Variants in GRM7 observed in about 807,000 individuals in gnomAD.
The protein encoded by GRM7 is metabotropic glutamate receptor 7.
In GRM7, 35 loss-of-function variants were observed where a neutral mutation model predicts 84.5. The ratio of observed to expected loss-of-function variants is 0.41; its 90% CI spans 0.32 to 0.55. GRM7 has a LOEUF of 0.55. Ranked by LOEUF, GRM7 falls within the 20% of genes least tolerant of loss-of-function variation. GRM7 has a pLI of 0.19. For synonymous variants in GRM7, 487 were observed against 455.1 expected, an observed-to-expected ratio of 1.07 and a Z score of -0.89; for missense variants, 1,003 against 1,194.6, an observed-to-expected ratio of 0.84 and a Z score of 2.36.
intron 9 of GRM7, among the ~76,000 whole-genome samples, chr3:7,732,146 C>T (rs1038119229): frequency 2.6e-5 from 4 of 152,034 alleles, no homozygotes; most frequent in Admixed American, 6.5e-5. Flanking sequence ...CCCAGGTTCA[C>T]GCCATTCTCC....
chr3:7,241,326 T>C (rs2124921483), intron 2 of GRM7, among the ~76,000 whole-genome samples: 1 of 152,286 alleles, frequency 6.6e-6, no homozygotes, highest in African/African-American at 2.4e-5. Flanking sequence ...ACTGTCTGCG[T>C]TGTCATCATC....
At chr3:7,579,736 G>C (rs552837766) in intron 8 of GRM7, among the ~76,000 whole-genome samples, 12 of 152,146 alleles carry the variant, frequency 7.9e-5, no homozygotes, top group Non-Finnish European at 1.5e-4. Flanking sequence ...CCTTCTCCAG[G>C]TGGGAGTGTG....
intron 1 of GRM7, among the ~76,000 whole-genome samples, chr3:7,009,864 G>A (rs1695310159): frequency 6.6e-6 from 1 of 152,148 alleles, no homozygotes; most frequent in African/African-American, 2.4e-5. Context: ...GCAATACATT[G>A]TAGTGGCTGA....
chr3:7,463,272 T>G (rs2124910841), intron 7 of GRM7, among the ~76,000 whole-genome samples: 1 of 152,360 alleles, frequency 6.6e-6, no homozygotes, highest in South Asian at 2.1e-4. Flanking sequence ...TCCGTAAGAG[T>G]TCCCAAGTAG....
At chr3:6,867,075 C>T (rs1356385407) in intron 1 of GRM7, among the ~76,000 whole-genome samples, 1 of 152,170 alleles carries the variant, frequency 6.6e-6, no homozygotes, top group African/African-American at 2.4e-5. Flanking sequence ...TCTGGAACTC[C>T]TACATTCAAC....
At chr3:7,011,086 G>A (rs897660863) in intron 1 of GRM7, among the ~76,000 whole-genome samples, 1 of 152,168 alleles carries the variant, frequency 6.6e-6, no homozygotes, top group Non-Finnish European at 1.5e-5. Flanking sequence ...TACAACATAT[G>A]AAGGTTTTGT....
chr3:6,861,759 A>G lies in GRM7; in HGVS notation c.371A>G (p.Gln124Arg). Residue 124 changes from glutamine to arginine, a missense_variant, in exon 1 of 10, where the codon CAG (glutamine) becomes CGG (arginine). Around this residue, in one of 2 missense-constraint regions of GRM7, gnomAD observed 910 missense variants for 1,126.0 expected, o/e 0.81. Coordinates refer to ENST00000357716, the MANE Select transcript of GRM7 (RefSeq NM_000844.4). This position sits in a 1 kb window ranked among gnomAD's most constrained non-coding sequence, Gnocchi z 6.4. ...YALEQSLTFV[Q>R]ALIQKDTSDV... ...CTCGAACAGTCGCTTACTTTCGTCCAGGCGCTCATCCAGAAGGACACCTCC... is the reference window on the plus strand; with the variant it reads ...CTCGAACAGTCGCTTACTTTCGTCCGGGCGCTCATCCAGAAGGACACCTCC... The G allele has an allele frequency of 6.2e-7, 1 of 1,614,216 alleles. No individual in the cohort carries two copies. The highest frequency in any genetic ancestry group is 8.5e-7 in the Non-Finnish European group (1 of 1,180,052).
chr3:7,183,274 CA>C (rs1375521081), intron 2 of GRM7, among the ~76,000 whole-genome samples: 19 of 152,262 alleles, frequency 1.2e-4, no homozygotes, highest in Admixed American at 3.9e-4. Context: ...TAGCTGTGTA[CA>C]GGGGAGCAAA....
At chr3:7,029,312 AAAC>A (rs1411489264) in intron 1 of GRM7, among the ~76,000 whole-genome samples, 12 of 112,264 alleles carry the variant, frequency 1.1e-4, no homozygotes, top group Admixed American at 6.1e-4. Context: ...AAAAAAAAAA[AAAC>A]AAAAAAAAAA....
At chr3:7,397,636 T>C (rs1695265616) in intron 4 of GRM7, among the ~76,000 whole-genome samples, 1 of 152,134 alleles carries the variant, frequency 6.6e-6, no homozygotes, top group Non-Finnish European at 1.5e-5. Flanking sequence ...TCATTGCACA[T>C]TGCATGCCCA....
At chr3:7,577,619 C>A (rs1575515889) in intron 7 of GRM7, among the ~76,000 whole-genome samples, 1 of 152,244 alleles carries the variant, frequency 6.6e-6, no homozygotes, top group Non-Finnish European at 1.5e-5. Flanking sequence ...GGGTATGTTC[C>A]CCTCCAGAAA....
At chr3:7,569,522 A>G (rs113078063) in intron 7 of GRM7, among the ~76,000 whole-genome samples, 1 of 152,074 alleles carries the variant, frequency 6.6e-6, no homozygotes, top group Non-Finnish European at 1.5e-5. Context: ...GTGGGGCCAG[A>G]TAAGAATAAA....
intron 8 of GRM7, among the ~76,000 whole-genome samples, chr3:7,598,149 G>A (rs192553151): frequency 1.3e-5 from 2 of 152,276 alleles, no homozygotes; most frequent in Non-Finnish European, 2.9e-5. Context: ...CTGACATATT[G>A]CAGATAAGGA....
At chr3:7,461,155 C>T (rs953709596) in intron 6 of GRM7, among the ~76,000 whole-genome samples, 1 of 152,120 alleles carries the variant, frequency 6.6e-6, no homozygotes, top group African/African-American at 2.4e-5. Flanking sequence ...TCTCTTTTAA[C>T]ATTAATTTGT....
rs191627868 is a variant in GRM7 at position 7,178,973 on chromosome 3, G to A, written c.736+32305G>A. ...AAAAAAATACAAGCTGGGTGTGGTGGCATGCACCTGTAATCCTAGTTACTC... is the reference window on the plus strand; with the variant it reads ...AAAAAAATACAAGCTGGGTGTGGTGACATGCACCTGTAATCCTAGTTACTC... On this transcript the variant is annotated intron_variant, in intron 2 of 9. Coordinates refer to ENST00000357716, the MANE Select transcript of GRM7 (RefSeq NM_000844.4). Among the ~76,000 whole-genome samples the A allele has an allele frequency of 5.0e-4, 76 of 152,138 alleles. 1 individual carries two copies. The highest frequency in any genetic ancestry group is 3.4e-3 in the Middle Eastern group (1 of 294).
At chr3:7,231,182 C>G (rs187640098) in intron 2 of GRM7, among the ~76,000 whole-genome samples, 68 of 152,266 alleles carry the variant, frequency 4.5e-4, no homozygotes, top group Admixed American at 2.2e-3. Flanking sequence ...GCTATGGACA[C>G]TGAATTAGGC....
At chr3:7,302,523 A>G (rs1310281480) in intron 3 of GRM7, among the ~76,000 whole-genome samples, 2 of 151,742 alleles carry the variant, frequency 1.3e-5, no homozygotes, top group African/African-American at 4.8e-5. Flanking sequence ...CTTCGTCAGC[A>G]CCTCCCCAAA....
chr3:7,654,206 G>T (rs1699081711), intron 8 of GRM7, among the ~76,000 whole-genome samples: 1 of 152,174 alleles, frequency 6.6e-6, no homozygotes, highest in Non-Finnish European at 1.5e-5. Flanking sequence ...CAAGTAGAGA[G>T]GGTTCATAAA....
At chr3:7,474,075 G>A (rs1261520246) in intron 7 of GRM7, among the ~76,000 whole-genome samples, 2 of 152,068 alleles carry the variant, frequency 1.3e-5, no homozygotes, top group Non-Finnish European at 2.9e-5. Flanking sequence ...CCTAGTGAGG[G>A]GCTGTTTGGT....
Sources: gnomAD v4.1 joint callset for allele counts (sites outside exome capture counted in the v4.1 genomes callset) on GRCh38, gnomAD v4.1.1 for gene constraint, gnomAD v4.1.1 regional missense constraint, Gnocchi (gnomAD v3.1) non-coding constraint, MANE v1.5 for transcripts, NCBI Gene and HGNC (gene_info 2026-07-23, HGNC 2026-07-21) for gene names.